Variants in SDK1 observed in about 807,000 individuals in gnomAD.
The protein encoded by SDK1 is sidekick cell adhesion molecule 1, also known as protein sidekick-1.
SDK1 carries 157 observed loss-of-function variants against 245.5 expected under a neutral mutation model. That is an observed-to-expected ratio of 0.64 (90% CI 0.56 to 0.73). The LOEUF (loss-of-function observed/expected upper bound fraction) is 0.73. Among genes scored for constraint, SDK1 ranks in the 30% least tolerant of loss-of-function variants. The pLI is 0.00. For synonymous variants in SDK1, 1,647 were observed against 1,278.5 expected (o/e 1.29, Z -6.15); for missense variants, 3,583 against 3,002.3 (o/e 1.19, Z -4.52).
intron 28 of SDK1, among the ~76,000 whole-genome samples, chr7:4,139,691 A>ATGTGTGTGTGTGTGTG (rs751924002): frequency 1.8e-5 from 2 of 110,466 alleles, no homozygotes; most frequent in Non-Finnish European, 3.6e-5. Context: ...GTGTGTGTGT[A>ATGTGTGTGTGTGTGTG]TGTGTGTGTG....
chr7:4,122,396 T>C (rs1198413076), intron 25 of SDK1, among the ~76,000 whole-genome samples: 1 of 151,862 alleles, frequency 6.6e-6, no homozygotes, highest in East Asian at 1.9e-4. Context: ...GGGAGAAGGA[T>C]TGGAGAGAGA....
intron 1 of SDK1, among the ~76,000 whole-genome samples, chr7:3,441,327 C>G (rs143878236): frequency 2.0e-5 from 3 of 152,002 alleles, no homozygotes; most frequent in African/African-American, 7.2e-5. Flanking sequence ...TTGAATGTAT[C>G]TCTTGCAGAT....
chr7:3,879,869 G>C (rs537779447), intron 5 of SDK1, among the ~76,000 whole-genome samples: 2 of 152,260 alleles, frequency 1.3e-5, no homozygotes, highest in South Asian at 4.1e-4. Flanking sequence ...ACAGCAAGCT[G>C]ATGCATGGAG....
At chr7:4,207,233 G>A (rs1584446042) in intron 36 of SDK1, among the ~76,000 whole-genome samples, 1 of 152,342 alleles carries the variant, frequency 6.6e-6, no homozygotes, top group South Asian at 2.1e-4. Context: ...CCTCCCCGAA[G>A]CCTCCGTGCT....
chr7:4,250,319 G>C (rs998930694), intron 44 of SDK1, among the ~76,000 whole-genome samples: 1 of 151,768 alleles, frequency 6.6e-6, no homozygotes, highest in African/African-American at 2.4e-5. Flanking sequence ...GTTGTATTTT[G>C]CCCATGTGGT....
intron 19 of SDK1, among the ~76,000 whole-genome samples, chr7:4,063,459 G>A (rs1779671696): frequency 6.6e-6 from 1 of 152,036 alleles, no homozygotes; most frequent in Middle Eastern, 3.4e-3. Context: ...AACTGAAGAA[G>A]ACACAAGTAA....
intron 4 of SDK1, among the ~76,000 whole-genome samples, chr7:3,808,532 G>T (rs1173605307): frequency 1.3e-5 from 2 of 152,208 alleles, no homozygotes; most frequent in Non-Finnish European, 2.9e-5. Flanking sequence ...ATCCCAGCCC[G>T]ACCTGCACCG....
chr7:4,207,794 TC>T (rs1784308132), intron 36 of SDK1, among the ~76,000 whole-genome samples: 1 of 152,158 alleles, frequency 6.6e-6, no homozygotes, highest in African/African-American at 2.4e-5. Context: ...CAGCTTCCCT[TC>T]CGTCCTCACA....
At chr7:3,720,640 C>T (rs1037179492) in intron 4 of SDK1, among the ~76,000 whole-genome samples, 11 of 152,138 alleles carry the variant, frequency 7.2e-5, no homozygotes, top group African/African-American at 2.7e-4. Flanking sequence ...GGGAATGTAA[C>T]CTGGTACAGC....
Position 3,417,236 on chromosome 7 carries a change from G to C in SDK1, c.298+115352G>C, listed in dbSNP as rs2128579482. ...AGCTGCAGGCTGAGGTTCTAGTTTT[G>C]GCAATAAGCTAAAGTGTAAATAATT... On this transcript the variant is annotated intron_variant, in intron 1 of 44. Coordinates refer to ENST00000404826, the MANE Select transcript of SDK1 (RefSeq NM_152744.4). Among the ~76,000 whole-genome samples, 2 of 152,258 alleles carry C rather than the reference G, an allele frequency of 1.3e-5. 1 individual carries two copies. The highest frequency in any genetic ancestry group is 3.9e-4 in the East Asian group (2 of 5,184).
At position 3,844,786 on chromosome 7, in the gene SDK1, C is replaced by T. The variant is rs150824399; in HGVS notation, c.847+23203C>T. On this transcript the variant is annotated intron_variant, in intron 5 of 44. Transcript: ENST00000404826. ...ACAGAAGTCAGACCTGTGAGCCTCTCGTGCTGCTGATTCAGCCTGATTAAA... is the reference window on the plus strand; with the variant it reads ...ACAGAAGTCAGACCTGTGAGCCTCTTGTGCTGCTGATTCAGCCTGATTAAA... 5.3e-3 allele frequency among the ~76,000 whole-genome samples: 813 copies of T among 152,248 alleles called. 8 individuals carry two copies. The highest frequency in any genetic ancestry group is 0.018 in the African/African-American group (740 of 41,564).
rs1050151079 is a variant in SDK1 at position 4,071,693 on chromosome 7, G to A, written c.3010+3757G>A. Among the ~76,000 whole-genome samples, 4 of 152,288 alleles carry A rather than the reference G, an allele frequency of 2.6e-5. 1 individual carries two copies. Among genetic ancestry groups the A allele is most frequent in the African/African-American group, 2.4e-5 (1 of 41,550 alleles). On this transcript the variant is annotated intron_variant, in intron 20 of 44. Transcript: ENST00000404826. ...AAAGCTGAGCAGGAGGCTACCATTC[G>A]GAAGAAGAAGACTTTCCAGTTCAGA...
Position 4,079,508 on chromosome 7 carries a change from C to G in SDK1, c.3248C>G (p.Pro1083Arg), listed in dbSNP as rs1272391133. The G allele has an allele frequency of 3.1e-6, 5 of 1,614,124 alleles. No individual in the cohort carries two copies. The highest frequency in any genetic ancestry group is 1.1e-5 in the South Asian group (1 of 91,090). ...AACCTGGTCATTTCCAACATCAGCCCTCGCTCCGCCACCCTTCAGTTCCGG... is the reference window on the plus strand; with the variant it reads ...AACCTGGTCATTTCCAACATCAGCCGTCGCTCCGCCACCCTTCAGTTCCGG... ...PSNLVISNIS[P>R]RSATLQFRPG... The change falls in exon 22 of 45, where the codon CCT becomes CGT. Residue 1083 changes from proline (P) to arginine (R), a missense_variant. Transcript: ENST00000404826.
intron 7 of SDK1, among the ~76,000 whole-genome samples, chr7:3,956,896 C>G (rs908415276): frequency 1.3e-5 from 2 of 152,142 alleles, no homozygotes; most frequent in African/African-American, 4.8e-5. Context: ...CAGCGAGGTC[C>G]CTTCCTGGCA....
At chr7:4,098,473 ATTTC>A (rs1782310123) in intron 22 of SDK1, among the ~76,000 whole-genome samples, 1 of 151,610 alleles carries the variant, frequency 6.6e-6, no homozygotes, top group South Asian at 2.1e-4. Context: ...TAGGTTTTAT[ATTTC>A]TTTCCTTCAT....
intron 1 of SDK1, among the ~76,000 whole-genome samples, chr7:3,614,778 A>G (rs1781716363): frequency 6.6e-6 from 1 of 152,210 alleles, no homozygotes. Flanking sequence ...GAACGCTTAA[A>G]ATTCCAGGGT....
At chr7:3,809,214 A>C (rs1321695631) in intron 4 of SDK1, among the ~76,000 whole-genome samples, 1 of 152,076 alleles carries the variant, frequency 6.6e-6, no homozygotes, top group Admixed American at 6.5e-5. Context: ...GAACGAGAGA[A>C]GGGGGAGGTG....
chr7:3,619,053 G>T (rs1781855600), intron 1 of SDK1, 27 bp from the exon 2 acceptor site: 21 of 1,521,322 alleles, frequency 1.4e-5, no homozygotes, highest in Non-Finnish European at 1.8e-5. Context: ...CTTCAGTTTT[G>T]TTTTGTTTTG....
chr7:3,730,904 T>C (rs1426363659), intron 4 of SDK1, among the ~76,000 whole-genome samples: 1 of 152,142 alleles, frequency 6.6e-6, no homozygotes, highest in Non-Finnish European at 1.5e-5. Context: ...CATCAGTCTT[T>C]TTGGAATACA....
Sources: allele counts gnomAD v4.1 joint callset (sites outside exome capture counted in the v4.1 genomes callset), GRCh38; gene constraint gnomAD v4.1.1; transcripts MANE v1.5; gene names NCBI Gene and HGNC (gene_info 2026-07-23, HGNC 2026-07-21).